Variants in TCF12 observed in about 807,000 individuals in gnomAD.
TCF12 encodes the protein transcription factor 12, also known as DNA-binding protein HTF4.
TCF12 carries 45 observed loss-of-function variants against 86.0 expected under a neutral mutation model. That is an observed-to-expected ratio of 0.52 (90% CI 0.41 to 0.67). TCF12 has a LOEUF of 0.67. Ranked by LOEUF, TCF12 falls within the 30% of genes least tolerant of loss-of-function variation. The pLI, the probability that TCF12 is intolerant of heterozygous loss-of-function variation, is 0.00. For missense variants in TCF12, 881 were observed against 859.9 expected, an observed-to-expected ratio of 1.02 and a Z score of -0.31; for synonymous variants, 330 against 299.6, an observed-to-expected ratio of 1.10 and a Z score of -1.05.
intron 19 of TCF12, chr15:57,282,168 A>G (rs968081992): frequency 1.5e-4 from 66 of 440,540 alleles, no homozygotes; most frequent in Middle Eastern, 6.6e-4. Flanking sequence ...ATTTGCCAAA[A>G]TGTTTGAGTG....
At chr15:57,230,788 A>G (rs555771211) in intron 8 of TCF12, among the ~76,000 whole-genome samples, 1 of 152,148 alleles carries the variant, frequency 6.6e-6, no homozygotes, top group East Asian at 1.9e-4. Context: ...ATGTTATGCT[A>G]TATTGAAAGG....
intron 3 of TCF12, among the ~76,000 whole-genome samples, chr15:56,963,341 T>G (rs2061858825): frequency 6.6e-6 from 1 of 152,232 alleles, no homozygotes; most frequent in South Asian, 2.1e-4. Flanking sequence ...TTTTTCCACA[T>G]GTGCCATTTA....
At chr15:57,146,583 C>T (rs1166870161) in intron 5 of TCF12, among the ~76,000 whole-genome samples, 1 of 152,160 alleles carries the variant, frequency 6.6e-6, no homozygotes, top group East Asian at 1.9e-4. Flanking sequence ...AATACCAAGA[C>T]ACAAGGGGGC....
intron 5 of TCF12, among the ~76,000 whole-genome samples, chr15:57,163,896 T>A (rs1432044629): frequency 6.6e-6 from 1 of 152,112 alleles, no homozygotes; most frequent in East Asian, 1.9e-4. Flanking sequence ...ATAGAAGGAA[T>A]TACTGAAACT....
At chr15:57,164,064 T>C (rs2054687304) in intron 5 of TCF12, among the ~76,000 whole-genome samples, 1 of 152,194 alleles carries the variant, frequency 6.6e-6, no homozygotes, top group African/African-American at 2.4e-5. Context: ...AGGCTGCTGC[T>C]TCAATCCAGC....
At chr15:56,930,711 T>C (rs1248030004) in intron 3 of TCF12, among the ~76,000 whole-genome samples, 1 of 140,494 alleles carries the variant, frequency 7.1e-6, no homozygotes, top group African/African-American at 3.0e-5. Context: ...TAGTTTTTTT[T>C]TTATTCTAGG....
chr15:56,989,225 A>C (rs182652300), intron 3 of TCF12, among the ~76,000 whole-genome samples: 1 of 152,186 alleles, frequency 6.6e-6, no homozygotes, highest in African/African-American at 2.4e-5. Flanking sequence ...TCCTGCAAGC[A>C]GAGAATGGTG....
chr15:56,951,164 T>C (rs1259694249), intron 3 of TCF12, among the ~76,000 whole-genome samples: 14 of 152,170 alleles, frequency 9.2e-5, no homozygotes, highest in African/African-American at 3.4e-4. Flanking sequence ...CATTCCCACT[T>C]ATAGTGTATG....
intron 12 of TCF12, among the ~76,000 whole-genome samples, chr15:57,239,025 A>C (rs2059493433): frequency 6.6e-6 from 1 of 152,184 alleles, no homozygotes; most frequent in African/African-American, 2.4e-5. Flanking sequence ...AAAATGAAAA[A>C]AATATTTTGT....
chr15:57,282,716 T>C, intron 20 of TCF12, 118 bp downstream of exon 20: 1 of 1,195,722 alleles, frequency 8.4e-7, no homozygotes. Flanking sequence ...AGGTCACATG[T>C]AATTTGAAAT....
At chr15:57,052,197 G>T (rs1406713731) in intron 3 of TCF12, among the ~76,000 whole-genome samples, 9 of 152,170 alleles carry the variant, frequency 5.9e-5, no homozygotes, top group African/African-American at 1.9e-4. Context: ...CATGAGAACA[G>T]TGTGCTAATA....
At chr15:56,943,814 C>A (rs1190901744) in intron 3 of TCF12, among the ~76,000 whole-genome samples, 1 of 152,114 alleles carries the variant, frequency 6.6e-6, no homozygotes, top group Non-Finnish European at 1.5e-5. Context: ...GGAACTGATT[C>A]TTGCTTAATC....
rs146376869 is a variant in TCF12, at chr15:57,226,254, A to G, written c.580-4898A>G. 6.8e-3 allele frequency among the ~76,000 whole-genome samples: 1,002 copies of G among 147,530 alleles called. 7 individuals carry two copies. Among genetic ancestry groups the G allele is most frequent in the Non-Finnish European group, 0.012 (772 of 66,748 alleles). ...TTTTAGGTACTTAGCTAGATCTTGT[A>G]AAGTTTTTATTGTTTAATACTAAAT... On this transcript the variant is annotated intron_variant, in intron 8 of 20. Coordinates refer to ENST00000333725, the MANE Select transcript of TCF12 (RefSeq NM_207037.2).
chr15:57,101,597 G>A lies in TCF12; in HGVS notation c.325+9706G>A, dbSNP rs192943886. Among the ~76,000 whole-genome samples, 634 of 152,274 alleles carry A rather than the reference G, an allele frequency of 4.2e-3. 7 individuals carry two copies. Among genetic ancestry groups the A allele is most frequent in the African/African-American group, 0.014 (593 of 41,566 alleles). ...GATACGTACGCATGTGCACGCGTGC[G>A]TGCACACACACACGTGCATATGCAC... On this transcript the variant is annotated intron_variant, in intron 5 of 20. Coordinates refer to ENST00000333725, the MANE Select transcript of TCF12 (RefSeq NM_207037.2).
chr15:57,238,606 A>G (rs912159270), intron 12 of TCF12, among the ~76,000 whole-genome samples: 2 of 152,230 alleles, frequency 1.3e-5, no homozygotes, highest in Admixed American at 6.5e-5. Flanking sequence ...CCCACATTGT[A>G]TAAATACCAA....
At chr15:57,171,180 A>G (rs1275721535) in intron 6 of TCF12, among the ~76,000 whole-genome samples, 1 of 152,096 alleles carries the variant, frequency 6.6e-6, no homozygotes, top group Non-Finnish European at 1.5e-5. Flanking sequence ...ATACAAAATA[A>G]CAATATTGCT....
chr15:57,209,646 G>A (rs1385663359), intron 8 of TCF12, among the ~76,000 whole-genome samples: 1 of 152,050 alleles, frequency 6.6e-6, no homozygotes, highest in Non-Finnish European at 1.5e-5. Context: ...TTTATAACTG[G>A]TCTTCCAGTT....
At chr15:57,063,269 GT>G (rs1442425260) in intron 3 of TCF12, among the ~76,000 whole-genome samples, 10 of 152,150 alleles carry the variant, frequency 6.6e-5, no homozygotes, top group Admixed American at 6.5e-4. Flanking sequence ...GTTAGATTTA[GT>G]TTGATGTCAT....
chr15:56,928,866 G>A (rs547666960), intron 3 of TCF12, among the ~76,000 whole-genome samples: 10 of 152,254 alleles, frequency 6.6e-5, no homozygotes, highest in South Asian at 4.1e-4. Context: ...AGGATAGAAC[G>A]CCTGGGAACA....
Sources: allele counts gnomAD v4.1 joint callset (sites outside exome capture counted in the v4.1 genomes callset), GRCh38; gene constraint gnomAD v4.1.1; transcripts MANE v1.5; gene names NCBI Gene and HGNC (gene_info 2026-07-23, HGNC 2026-07-21).